EPHB1: variants seen among roughly 807,000 people sequenced by gnomAD.
EPHB1 encodes the protein ephrin type-B receptor 1.
EPHB1 carries 30 observed loss-of-function variants against 94.4 expected under a neutral mutation model. That is an observed-to-expected ratio of 0.32 (90% confidence interval 0.24 to 0.43). The LOEUF (loss-of-function observed/expected upper bound fraction) is 0.43, where lower values mean the gene tolerates loss of function less well. EPHB1 is among the 20% of genes least tolerant of loss of function. The pLI, the probability that EPHB1 is intolerant of heterozygous loss-of-function variation, is 1.00. For synonymous variants in EPHB1, 522 were observed against 489.1 expected, an observed-to-expected ratio of 1.07 and a Z score of -0.89; for missense variants, 1,055 against 1,308.3, an observed-to-expected ratio of 0.81 and a Z score of 2.99.
At chr3:134,869,822 CT>C (rs2037462148) in intron 1 of EPHB1, among the ~76,000 whole-genome samples, 1 of 152,110 alleles carries the variant, frequency 6.6e-6, no homozygotes, top group African/African-American at 2.4e-5. Flanking sequence ...ACAGCTCTTT[CT>C]TTTTACATTC....
At chr3:135,045,388 A>C (rs1259276765) in intron 3 of EPHB1, among the ~76,000 whole-genome samples, 1 of 152,268 alleles carries the variant, frequency 6.6e-6, no homozygotes, top group Non-Finnish European at 1.5e-5. Context: ...TCTGTGTGAT[A>C]AAATGATAAG....
At chr3:135,217,861 C>T (rs779846479) in intron 12 of EPHB1, among the ~76,000 whole-genome samples, 3 of 152,116 alleles carry the variant, frequency 2.0e-5, no homozygotes, top group Non-Finnish European at 4.4e-5. Flanking sequence ...GCTTCTCAGT[C>T]GGGTCGATCC....
chr3:135,056,793 A>C (rs967696159), intron 3 of EPHB1, among the ~76,000 whole-genome samples: 7 of 152,158 alleles, frequency 4.6e-5, no homozygotes, highest in African/African-American at 1.7e-4. Flanking sequence ...GCTGTGTGGT[A>C]GGAGGCTGGG....
At chr3:135,204,110 G>GA (rs1331329930) in intron 12 of EPHB1, among the ~76,000 whole-genome samples, 8 of 152,132 alleles carry the variant, frequency 5.3e-5, no homozygotes, top group Non-Finnish European at 1.2e-4. Flanking sequence ...TCACATCGTG[G>GA]AAAATGGGGT....
chr3:135,196,367 T>A (rs1268712375), intron 11 of EPHB1, among the ~76,000 whole-genome samples: 1 of 152,058 alleles, frequency 6.6e-6, no homozygotes, highest in African/African-American at 2.4e-5. Context: ...GAGCTGAGCT[T>A]GCAGGGGAAG....
intron 2 of EPHB1, among the ~76,000 whole-genome samples, chr3:134,950,736 GC>G (rs1932995915): frequency 6.6e-6 from 1 of 152,106 alleles, no homozygotes; most frequent in Admixed American, 6.5e-5. Context: ...CTCCCACCAG[GC>G]CCCACCTCCA....
intron 3 of EPHB1, among the ~76,000 whole-genome samples, chr3:135,032,075 C>A (rs941457583): frequency 1.3e-5 from 2 of 152,120 alleles, no homozygotes; most frequent in Admixed American, 6.6e-5. Flanking sequence ...TCTTCTTTTT[C>A]TAATACTCAT....
intron 12 of EPHB1, among the ~76,000 whole-genome samples, chr3:135,209,327 A>G (rs1942976396): frequency 6.6e-6 from 1 of 152,238 alleles, no homozygotes; most frequent in South Asian, 2.1e-4. Context: ...CAAAATATTT[A>G]TTTATTACAA....
chr3:134,800,092 C>T (rs892188865), intron 1 of EPHB1, among the ~76,000 whole-genome samples: 1 of 152,028 alleles, frequency 6.6e-6, no homozygotes, highest in African/African-American at 2.4e-5. Flanking sequence ...TGGGTGGTGA[C>T]AGATAGCAGG....
intron 15 of EPHB1, among the ~76,000 whole-genome samples, chr3:135,254,122 A>G (rs1405822916): frequency 1.0e-4 from 10 of 98,836 alleles, no homozygotes; most frequent in Non-Finnish European, 1.7e-4. Context: ...GGCTGAGACA[A>G]TGGGGTTTTC....
rs532686520 is a variant in EPHB1 at position 135,201,937 on chromosome 3, G to T, written c.2346+248G>T. On this transcript the variant is annotated intron_variant, in intron 12 of 15. Transcript: ENST00000398015. ...TCAGTGTCTATTATGAAGCTATAGT[G>T]TTCCTTGGGAAGAGGAAATTTTGGA... Among the ~76,000 whole-genome samples, 8 of 152,186 alleles carry T rather than the reference G, an allele frequency of 5.3e-5. No homozygotes were observed. In the East Asian group the frequency reaches 1.6e-3, roughly 30 times the overall value.
Position 135,114,766 on chromosome 3 carries a change from T to TAAATAAAA in EPHB1, c.961+8166_961+8167insTAAAAAAA, listed in dbSNP as rs1553736241. Among the ~76,000 whole-genome samples the TAAATAAAA allele has an allele frequency of 6.0e-3, 896 of 150,334 alleles. 8 individuals are homozygous for TAAATAAAA. The highest frequency in any genetic ancestry group is 0.018 in the African/African-American group (745 of 40,918). ...ATAAATAAATAAATAAATAAATAAA[T>TAAATAAAA]AAAACAATATTTGGCATACAGGAAT... is the stretch of plus-strand genomic sequence containing the variant. On this transcript the variant is annotated intron_variant, in intron 4 of 15. Coordinates refer to ENST00000398015, the MANE Select transcript of EPHB1 (RefSeq NM_004441.5).
chr3:135,175,545 A>G (rs1452587171), intron 9 of EPHB1, among the ~76,000 whole-genome samples: 1 of 152,254 alleles, frequency 6.6e-6, no homozygotes, highest in Non-Finnish European at 1.5e-5. Context: ...TTAATAGAAC[A>G]TAAAATTAAA....
intron 1 of EPHB1, among the ~76,000 whole-genome samples, chr3:134,797,029 G>A (rs916161709): frequency 6.6e-6 from 1 of 152,242 alleles, no homozygotes; most frequent in African/African-American, 2.4e-5. Context: ...CCTGAGGCGC[G>A]GCTAAGATTC....
chr3:134,875,512 C>T (rs967393137), intron 1 of EPHB1, among the ~76,000 whole-genome samples: 7 of 152,074 alleles, frequency 4.6e-5, no homozygotes, highest in African/African-American at 7.2e-5. Context: ...CAGGGAAACC[C>T]GGATGGCATG....
intron 9 of EPHB1, among the ~76,000 whole-genome samples, 157 bp from the exon 10 acceptor site, chr3:135,179,703 G>A (rs986931520): frequency 6.6e-6 from 1 of 152,184 alleles, no homozygotes. Context: ...AGGGAGATGA[G>A]GAGGCCCAGC....
intron 3 of EPHB1, among the ~76,000 whole-genome samples, chr3:135,048,350 G>A (rs1488412398): frequency 7.7e-6 from 1 of 130,630 alleles, no homozygotes; most frequent in Non-Finnish European, 1.5e-5. Context: ...GCTTACTGCA[G>A]CCTCGACCTC....
At chr3:135,163,340 A>G (rs972192888) in intron 7 of EPHB1, among the ~76,000 whole-genome samples, 3 of 152,196 alleles carry the variant, frequency 2.0e-5, no homozygotes, top group Non-Finnish European at 4.4e-5. Context: ...AGCTGTCTGC[A>G]TATGGTACCC....
At chr3:135,138,117 ATATCTGACATT>A (rs2107689213) in intron 5 of EPHB1, among the ~76,000 whole-genome samples, 1 of 152,326 alleles carries the variant, frequency 6.6e-6, no homozygotes, top group South Asian at 2.1e-4. Context: ...AGCACAATTT[ATATCTGACATT>A]TATATTACAT....
Sources: gnomAD v4.1 joint callset for allele counts (sites outside exome capture counted in the v4.1 genomes callset) on GRCh38, gnomAD v4.1.1 for gene constraint, MANE v1.5 for transcripts, NCBI Gene and HGNC (gene_info 2026-07-23, HGNC 2026-07-21) for gene names.